DOCK1: variants seen among roughly 807,000 people sequenced by gnomAD.
DOCK1 encodes dedicator of cytokinesis 1.
In DOCK1, 138 loss-of-function variants were observed where a neutral mutation model predicts 262.7. That is an observed-to-expected ratio of 0.53 (90% CI 0.46 to 0.61). The LOEUF (loss-of-function observed/expected upper bound fraction) is 0.61, where lower values mean the gene tolerates loss of function less well. Among genes scored for constraint, DOCK1 ranks in the 20% least tolerant of loss-of-function variants. The pLI is 0.00. For synonymous variants in DOCK1, 866 were observed against 867.4 expected (o/e 1.00, Z 0.03); for missense variants, 1,908 against 2,370.7 (o/e 0.80, Z 4.05).
intron 27 of DOCK1, chr10:127,146,155 T>C (rs1195231233): frequency 2.4e-6 from 1 of 423,876 alleles, no homozygotes; most frequent in Non-Finnish European, 4.7e-6. Context: ...CGTAGTCCCC[T>C]CATGCTGTTT....
intron 27 of DOCK1, among the ~76,000 whole-genome samples, chr10:127,211,420 C>T (rs563670311): frequency 6.6e-6 from 1 of 152,322 alleles, no homozygotes; most frequent in African/African-American, 2.4e-5. Context: ...CTTAGCAAAG[C>T]TGCCGTTTGT....
chr10:126,934,747 G>GTTTTTTTTTTTTTTTTTTTTTTTTTTTTT lies in DOCK1; in HGVS notation c.46+29208_46+29209insTTTTTTTTTTTTTTTTTTTTTTTTTTTTT, dbSNP rs1166445414. 4.7e-5 allele frequency among the ~76,000 whole-genome samples: 5 copies of GTTTTTTTTTTTTTTTTTTTTTTTTTTTTT among 107,448 alleles called. 1 individual carries two copies. Among genetic ancestry groups the GTTTTTTTTTTTTTTTTTTTTTTTTTTTTT allele is most frequent in the Non-Finnish European group, 3.5e-5 (2 of 56,920 alleles). 70.5% of individuals were successfully genotyped at this position (107,448 alleles called of 152,430 possible). On this transcript the variant is annotated intron_variant, in intron 1 of 51. Coordinates refer to ENST00000623213, the MANE Select transcript of DOCK1 (RefSeq NM_001290223.2). ...GTCACAGCCTATTTGGAATTTACGA[G>GTTTTTTTTTTTTTTTTTTTTTTTTTTTTT]TTTTTTTTTTTTTTTTTTTTTTTTG...
chr10:127,006,084 A>C (rs2040994536), intron 10 of DOCK1, among the ~76,000 whole-genome samples: 1 of 152,134 alleles, frequency 6.6e-6, no homozygotes, highest in Admixed American at 6.5e-5. Context: ...CTACGCAGTG[A>C]GCATCCTGGG....
chr10:127,425,332 C>T (rs147304185), intron 46 of DOCK1, among the ~76,000 whole-genome samples: 77 of 152,280 alleles, frequency 5.1e-4, no homozygotes, highest in Non-Finnish European at 1.0e-3. Context: ...TCTCCACTCT[C>T]GGAAGTGAAG....
At chr10:126,999,795 G>A (rs2040457296) in intron 9 of DOCK1, among the ~76,000 whole-genome samples, 1 of 152,036 alleles carries the variant, frequency 6.6e-6, no homozygotes, top group Non-Finnish European at 1.5e-5. Context: ...TCCTGCCTCA[G>A]CTCCCGAGTA....
chr10:127,203,393 A>G (rs193186542), intron 27 of DOCK1, among the ~76,000 whole-genome samples: 1 of 152,310 alleles, frequency 6.6e-6, no homozygotes, highest in East Asian at 1.9e-4. Context: ...TTGACATTTT[A>G]TGCGCTTAGT....
At chr10:127,230,888 G>A (rs571816781) in intron 27 of DOCK1, among the ~76,000 whole-genome samples, 12 of 151,862 alleles carry the variant, frequency 7.9e-5, no homozygotes, top group Non-Finnish European at 1.5e-4. Context: ...TGGATCTGTA[G>A]ATAACTTTGG....
At chr10:127,373,217 A>G (rs2065301948) in intron 33 of DOCK1, among the ~76,000 whole-genome samples, 1 of 152,160 alleles carries the variant, frequency 6.6e-6, no homozygotes, top group Non-Finnish European at 1.5e-5. Context: ...TAGGCTGGAG[A>G]TGGACCTTCT....
chr10:126,990,735 T>C (rs2039730444), intron 6 of DOCK1, 132 bp downstream of exon 6: 1 of 1,201,424 alleles, frequency 8.3e-7, no homozygotes, highest in Non-Finnish European at 1.1e-6. Context: ...GGCATGTTTT[T>C]CATTTTGAAA....
chr10:127,380,201 T>C, intron 36 of DOCK1, 79 bp downstream of exon 36: 2 of 1,147,522 alleles, frequency 1.7e-6, no homozygotes, highest in South Asian at 3.3e-5. Context: ...CTAAGAAATG[T>C]GTTATAGCCG....
intron 27 of DOCK1, among the ~76,000 whole-genome samples, chr10:127,177,392 C>T (rs1007057069): frequency 9.2e-5 from 14 of 152,266 alleles, no homozygotes; most frequent in Admixed American, 6.5e-4. Flanking sequence ...CTTTATTAGG[C>T]GGATTCACAG....
At chr10:127,351,324 G>A (rs1284486825) in intron 31 of DOCK1, among the ~76,000 whole-genome samples, 1 of 152,164 alleles carries the variant, frequency 6.6e-6, no homozygotes, top group South Asian at 2.1e-4. Flanking sequence ...GTGGAGTCGG[G>A]CATGTGTGTT....
At position 127,324,719 on chromosome 10, in the gene DOCK1, G is replaced by T. The variant is rs149531913; in HGVS notation, c.3045-14287G>T. Among the ~76,000 whole-genome samples, 32 of 152,236 alleles carry T rather than the reference G, an allele frequency of 2.1e-4. No homozygotes were observed. The East Asian group carries it at 5.6e-3, about 27-fold the overall frequency. ...CAGGTTATAATCAAAGAAAGTCTTA[G>T]ATCAAAGTCAGCCACACACACAGAC... On this transcript the variant is annotated intron_variant, in intron 29 of 51. Transcript: ENST00000623213.
chr10:126,944,281 A>G (rs1165419527), intron 1 of DOCK1, among the ~76,000 whole-genome samples: 2 of 151,854 alleles, frequency 1.3e-5, no homozygotes, highest in African/African-American at 4.8e-5. Flanking sequence ...GGATGAACTC[A>G]GGGTACAGTT....
At chr10:127,095,660 G>GTTGTGTGT (rs1255796234) in intron 23 of DOCK1, among the ~76,000 whole-genome samples, 7 of 99,220 alleles carry the variant, frequency 7.1e-5, no homozygotes, top group Admixed American at 9.9e-5. Flanking sequence ...GGGCCAGGAA[G>GTTGTGTGT]CTGTGTGTGT....
At chr10:127,227,372 G>T (rs1048242975) in intron 27 of DOCK1, among the ~76,000 whole-genome samples, 1 of 152,196 alleles carries the variant, frequency 6.6e-6, no homozygotes, top group Non-Finnish European at 1.5e-5. Context: ...GCCTGCCTCA[G>T]TGCCTTGGAA....
At position 127,374,083 on chromosome 10, in the gene DOCK1, A is replaced by G; in HGVS notation, c.3544A>G (p.Lys1182Glu). Residue 1182 changes from lysine (K) to glutamate (E), a missense_variant, in exon 35 of 52, where the codon AAA becomes GAA. Physicochemically the swap from Lys to Glu is moderately conservative, Grantham distance 56. This residue lies in a region of DOCK1 where 518 missense variants were observed against 575.1 expected (regional missense o/e 0.90). Coordinates refer to ENST00000623213, the MANE Select transcript of DOCK1 (RefSeq NM_001290223.2). The part of the protein sequence containing the change: ...KILLEHCRKH[K>E]YLAKTGETFV... ...CCTTCTGGAACACTGCAGGAAGCAC[A>G]AATACCTCGCCAAAACAGGAGAAAC... The G allele has an allele frequency of 6.2e-7, 1 of 1,613,012 alleles. No individual in the cohort carries two copies.
In DOCK1 at chr10:127,409,085, T is replaced by C. The variant is rs1250824243; in HGVS notation, c.4171T>C (p.Phe1391Leu). The change falls in exon 41 of 52, where the codon TTT becomes CTT. Residue 1391 changes from phenylalanine (F) to leucine (L), a missense_variant. Coordinates refer to ENST00000623213, the MANE Select transcript of DOCK1 (RefSeq NM_001290223.2). Reference protein sequence around the residue: ...RGKEYERREDFEARLLTQFPN... With the variant: ...RGKEYERREDLEARLLTQFPN... Reference sequence around the variant, plus strand: ...GAAAGAGTATGAGCGCCGGGAAGATTTTGAGGCTCGGCTCTTAACTCAGTT... The same window carrying C: ...GAAAGAGTATGAGCGCCGGGAAGATCTTGAGGCTCGGCTCTTAACTCAGTT... The C allele has an allele frequency of 6.2e-7, 1 of 1,601,492 alleles. No homozygotes were observed. Among genetic ancestry groups the C allele is most frequent in the East Asian group, 2.2e-5 (1 of 44,562 alleles).
intron 31 of DOCK1, among the ~76,000 whole-genome samples, chr10:127,344,812 G>A (rs868246983): frequency 7.9e-5 from 12 of 152,056 alleles, no homozygotes; most frequent in Non-Finnish European, 1.3e-4. Flanking sequence ...AGTGCACCAC[G>A]ATCATACCTG....
Sources: allele counts gnomAD v4.1 joint callset (sites outside exome capture counted in the v4.1 genomes callset), GRCh38; gene constraint gnomAD v4.1.1; regional missense constraint gnomAD v4.1.1; transcripts MANE v1.5; gene names NCBI Gene and HGNC (gene_info 2026-07-23, HGNC 2026-07-21).